PCDHA7: variants seen among roughly 807,000 people sequenced by gnomAD.
The protein encoded by PCDHA7 is protocadherin alpha-7.
In PCDHA7, 37 loss-of-function variants were observed where a neutral mutation model predicts 57.2. The observed-to-expected ratio is 0.65, with a 90% confidence interval of 0.50 to 0.85. PCDHA7 has a LOEUF of 0.85. Ranked by LOEUF, PCDHA7 falls within the 40% of genes least tolerant of loss-of-function variation. The pLI, the probability that PCDHA7 is intolerant of heterozygous loss-of-function variation, is 0.00. For synonymous variants in PCDHA7, 553 were observed against 558.8 expected (o/e 0.99, Z 0.15); for missense variants, 1,188 against 1,241.8 (o/e 0.96, Z 0.65).
At position 140,856,216 on chromosome 5, in the gene PCDHA7, G is replaced by A. The variant is rs782147679; in HGVS notation, c.2355+19478G>A. ...CGCAGGACCTGGGGCTGGAGCTGGC[G>A]GAGCTGGTGCAGCGCCTGTTCCGGG... On this transcript the variant is annotated intron_variant, in intron 1 of 3. Coordinates refer to ENST00000525929, the MANE Select transcript of PCDHA7 (RefSeq NM_018910.3). The A allele has an allele frequency of 8.1e-6, 13 of 1,597,922 alleles. 1 individual carries two copies. The Admixed American group carries it at 1.5e-4, about 19-fold the overall frequency.
At chr5:140,895,036 A>T (rs1207978693) in intron 1 of PCDHA7, among the ~76,000 whole-genome samples, 1 of 151,998 alleles carries the variant, frequency 6.6e-6, no homozygotes, top group Non-Finnish European at 1.5e-5. Flanking sequence ...ATTGTCCCCC[A>T]CCCACACCAT....
rs1554262759 is a variant in PCDHA7 at position 141,010,215 on chromosome 5, G to A, written c.*278G>A. ...CCTTTCTCCTCCGCCGCAAAGGAGA[G>A]GCTTCCCAGCCCCGCCAGTGAGAGG... On this transcript the variant is annotated 3_prime_UTR_variant, in exon 4 of 4. Transcript: ENST00000525929. The A allele has an allele frequency of 6.4e-7, 1 of 1,551,774 alleles. No homozygotes were observed. Among genetic ancestry groups the A allele is most frequent in the East Asian group, 2.4e-5 (1 of 40,918 alleles).
Position 140,836,287 on chromosome 5 carries a change from G to C in PCDHA7, c.1904G>C (p.Arg635Pro). 1 of 1,613,786 alleles carries C rather than the reference G, an allele frequency of 6.2e-7. No homozygotes were observed. Among genetic ancestry groups the C allele is most frequent in the Non-Finnish European group, 8.5e-7 (1 of 1,179,822 alleles). Residue 635 changes from arginine (R) to proline (P), a missense_variant, in exon 1 of 4, where the codon CGA becomes CCA. Transcript: ENST00000525929. ...TACACTGGTGAGATCAGCACGACAC[G>C]AGCCCTAGATGAGACGGACGCACCG... is the stretch of plus-strand genomic sequence containing the variant. ...GLYTGEISTT[R>P]ALDETDAPRH...
In PCDHA7 at chr5:140,838,709, G is replaced by A. The variant is rs2150291711; in HGVS notation, c.2355+1971G>A. 7.4e-3 allele frequency among the ~76,000 whole-genome samples: 1,129 copies of A among 152,134 alleles called. 12 individuals carry two copies. The highest frequency in any genetic ancestry group is 0.014 in the Admixed American group (208 of 15,280). On this transcript the variant is annotated intron_variant, in intron 1 of 3. Transcript: ENST00000525929. ...CCAACATTTCGGGAGGCCGAGGCAG[G>A]AGGATTGCTTCAGTCTAGTAGTTTG...
intron 1 of PCDHA7, among the ~76,000 whole-genome samples, chr5:140,956,546 G>A (rs1330264002): frequency 1.3e-5 from 2 of 152,158 alleles, no homozygotes; most frequent in Non-Finnish European, 2.9e-5. Flanking sequence ...GCTGGATTTG[G>A]TTTGCCAGTA....
At chr5:140,950,872 T>C (rs782492363) in intron 1 of PCDHA7, among the ~76,000 whole-genome samples, 14 of 152,210 alleles carry the variant, frequency 9.2e-5, no homozygotes, top group Middle Eastern at 3.4e-3. Context: ...ATATTCTATA[T>C]TGTTCAATAG....
chr5:140,871,635 A>G, intron 1 of PCDHA7: 1 of 1,364,150 alleles, frequency 7.3e-7, no homozygotes, highest in Non-Finnish European at 9.8e-7. Context: ...ATGTCTGTTC[A>G]TAAAATACCA....
intron 1 of PCDHA7, among the ~76,000 whole-genome samples, chr5:140,847,133 A>G (rs984510498): frequency 6.7e-6 from 1 of 149,740 alleles, no homozygotes; most frequent in Non-Finnish European, 1.5e-5. Flanking sequence ...CAGGAAAACC[A>G]ATGTAAGAAG....
chr5:140,841,535 C>A (rs146057065), intron 1 of PCDHA7: 5 of 1,613,548 alleles, frequency 3.1e-6, no homozygotes, highest in African/African-American at 1.3e-5. Flanking sequence ...CAAAAGACAC[C>A]GGGACCTTCT....
At chr5:141,002,682 G>A (rs536105955) in intron 3 of PCDHA7, among the ~76,000 whole-genome samples, 51 of 152,256 alleles carry the variant, frequency 3.3e-4, no homozygotes, top group African/African-American at 1.0e-3. Flanking sequence ...CCTATACGAC[G>A]TGCAGATTTG....
chr5:140,877,146 GA>G (rs781877505), intron 1 of PCDHA7: 8 of 1,613,700 alleles, frequency 5.0e-6, no homozygotes, highest in Admixed American at 3.3e-5. Context: ...TGCTGGACGA[GA>G]ACGACAACGC....
At position 140,841,596 on chromosome 5, in the gene PCDHA7, G is replaced by T. The variant is rs2150318846; in HGVS notation, c.2355+4858G>T. 3.3e-5 allele frequency: 54 copies of T among 1,613,976 alleles called. No homozygotes were observed. Among genetic ancestry groups the T allele is most frequent in the South Asian group, 5.5e-5 (5 of 91,084 alleles). ...TTGTTTGTGAATTCTCGGATCGACC[G>T]CGAGGAGCTGTGCGGGCGGAGCGCG... On this transcript the variant is annotated intron_variant, in intron 1 of 3. Transcript: ENST00000525929.
intron 2 of PCDHA7, among the ~76,000 whole-genome samples, chr5:140,981,529 G>A (rs1014315292): frequency 3.9e-5 from 6 of 152,196 alleles, no homozygotes; most frequent in East Asian, 1.9e-4. Flanking sequence ...AGCTGAGATC[G>A]TGCCACTGTA....
chr5:140,877,049 A>G (rs1554169270), intron 1 of PCDHA7: 4 of 1,612,684 alleles, frequency 2.5e-6, no homozygotes, highest in Middle Eastern at 3.9e-4. Context: ...CTAGACCACG[A>G]GGAGCTGGAG....
intron 1 of PCDHA7, chr5:140,870,783 C>A: frequency 6.2e-7 from 1 of 1,613,598 alleles, no homozygotes; most frequent in Non-Finnish European, 8.5e-7. Context: ...AGAACGACAA[C>A]GCGCCGGCAC....
At chr5:140,988,874 T>G (rs1407460154) in intron 3 of PCDHA7, 2 of 152,194 alleles carry the variant, frequency 1.3e-5, no homozygotes, top group Non-Finnish European at 1.5e-5. Flanking sequence ...CACTCAGATG[T>G]ACGATCCTGG....
At chr5:140,888,645 C>A (rs1275572541) in intron 1 of PCDHA7, among the ~76,000 whole-genome samples, 2 of 152,200 alleles carry the variant, frequency 1.3e-5, no homozygotes, top group African/African-American at 4.8e-5. Context: ...GCAATACTTT[C>A]CTGAGGACAC....
At chr5:140,949,944 T>TTTAGTGG (rs2094435490) in intron 1 of PCDHA7, among the ~76,000 whole-genome samples, 1 of 151,908 alleles carries the variant, frequency 6.6e-6, no homozygotes, top group South Asian at 2.1e-4. Context: ...ATTTGCATTT[T>TTTAGTGG]TTAGTGGTTG....
At chr5:140,896,381 C>A (rs1235283612) in intron 1 of PCDHA7, among the ~76,000 whole-genome samples, 1 of 152,160 alleles carries the variant, frequency 6.6e-6, no homozygotes, top group Non-Finnish European at 1.5e-5. Context: ...TTCTCTGCAA[C>A]CTCACCAGCA....
Sources: gnomAD v4.1 joint callset for allele counts (sites outside exome capture counted in the v4.1 genomes callset) on GRCh38, gnomAD v4.1.1 for gene constraint, MANE v1.5 for transcripts, NCBI Gene and HGNC (gene_info 2026-07-23, HGNC 2026-07-21) for gene names.